Variants in SLC1A1 observed in about 807,000 individuals in gnomAD.
SLC1A1 encodes the protein excitatory amino acid transporter 3.
Under a neutral mutation model 53.3 loss-of-function variants are expected in SLC1A1, and 43 were observed. The observed-to-expected ratio is 0.81, with a 90% CI of 0.63 to 1.04. The LOEUF (loss-of-function observed/expected upper bound fraction) is 1.04, where lower values mean the gene tolerates loss of function less well. SLC1A1 is among the 50% of genes least tolerant of loss of function. The pLI is 0.00. For missense variants in SLC1A1, 748 were observed against 664.9 expected (o/e 1.12, Z -1.37); for synonymous variants, 307 against 243.2 (o/e 1.26, Z -2.44).
intron 1 of SLC1A1, among the ~76,000 whole-genome samples, chr9:4,533,946 C>G (rs1816575030): frequency 6.6e-6 from 1 of 152,170 alleles, no homozygotes; most frequent in Non-Finnish European, 1.5e-5. Flanking sequence ...GAACAACCTG[C>G]TCCTGAATGA....
At chr9:4,528,339 G>A (rs576629031) in intron 1 of SLC1A1, among the ~76,000 whole-genome samples, 6 of 152,284 alleles carry the variant, frequency 3.9e-5, no homozygotes, top group South Asian at 4.2e-4. Context: ...TTGGGAGGCC[G>A]AGGCAGGCAG....
intron 1 of SLC1A1, among the ~76,000 whole-genome samples, chr9:4,515,700 G>A (rs1586703295): frequency 6.6e-6 from 1 of 152,312 alleles, no homozygotes; most frequent in Non-Finnish European, 1.5e-5. Context: ...GAGTACTGCA[G>A]TCTGAGACTT....
chr9:4,535,560 G>A (rs1816644228), intron 1 of SLC1A1, among the ~76,000 whole-genome samples: 1 of 152,096 alleles, frequency 6.6e-6, no homozygotes, highest in South Asian at 2.1e-4. Flanking sequence ...AATAAAAGAG[G>A]ATACAAACAA....
At chr9:4,513,248 A>C (rs1376008119) in intron 1 of SLC1A1, among the ~76,000 whole-genome samples, 2 of 152,216 alleles carry the variant, frequency 1.3e-5, no homozygotes, top group African/African-American at 2.4e-5. Flanking sequence ...AAGGCACTTA[A>C]GAGAATGAAC....
chr9:4,534,030 C>T (rs1202120581), intron 1 of SLC1A1, among the ~76,000 whole-genome samples: 3 of 152,056 alleles, frequency 2.0e-5, no homozygotes, highest in Non-Finnish European at 4.4e-5. Flanking sequence ...AGACACAACA[C>T]ACCAGAATCT....
intron 1 of SLC1A1, among the ~76,000 whole-genome samples, chr9:4,523,298 A>G (rs1314429849): frequency 6.6e-6 from 1 of 152,052 alleles, no homozygotes; most frequent in South Asian, 2.1e-4. Context: ...GCAGAATTTA[A>G]TTAAGTTATT....
chr9:4,525,385 A>C (rs1442853805), intron 1 of SLC1A1, among the ~76,000 whole-genome samples: 1 of 152,176 alleles, frequency 6.6e-6, no homozygotes, highest in Non-Finnish European at 1.5e-5. Flanking sequence ...ACTGTCCTGG[A>C]GGACTTGAAA....
chr9:4,510,534 C>G (rs1235912710), intron 1 of SLC1A1, among the ~76,000 whole-genome samples: 1 of 152,152 alleles, frequency 6.6e-6, no homozygotes, highest in Non-Finnish European at 1.5e-5. Context: ...TACCTGGCTT[C>G]CAGTACAGGG....
intron 1 of SLC1A1, among the ~76,000 whole-genome samples, chr9:4,533,412 T>C (rs568546735): frequency 1.3e-5 from 2 of 148,346 alleles, no homozygotes; most frequent in Non-Finnish European, 3.0e-5. Flanking sequence ...GGGGTTGCAA[T>C]CCTAGTCTCG....
intron 2 of SLC1A1, among the ~76,000 whole-genome samples, chr9:4,551,624 T>C (rs1162136653): frequency 6.6e-6 from 1 of 152,214 alleles, no homozygotes; most frequent in Non-Finnish European, 1.5e-5. Flanking sequence ...GAAACATTGG[T>C]GGTCCATTAT....
chr9:4,524,386 C>T (rs961023439), intron 1 of SLC1A1, among the ~76,000 whole-genome samples: 3 of 152,072 alleles, frequency 2.0e-5, no homozygotes, highest in Non-Finnish European at 2.9e-5. Context: ...ATATAAAAGT[C>T]CCCTCCAGAC....
At chr9:4,499,116 C>T (rs1185136204) in intron 1 of SLC1A1, among the ~76,000 whole-genome samples, 1 of 149,278 alleles carries the variant, frequency 6.7e-6, no homozygotes, top group Non-Finnish European at 1.5e-5. Context: ...ACGATCTTGG[C>T]TCACTGCAAC....
chr9:4,527,203 C>T (rs1816294512), intron 1 of SLC1A1, among the ~76,000 whole-genome samples: 1 of 152,118 alleles, frequency 6.6e-6, no homozygotes, highest in Non-Finnish European at 1.5e-5. Context: ...AGAACAGCAT[C>T]ATGAGCCTGG....
At chr9:4,571,001 C>G (rs1819982392) in intron 6 of SLC1A1, among the ~76,000 whole-genome samples, 1 of 151,714 alleles carries the variant, frequency 6.6e-6, no homozygotes, top group African/African-American at 2.4e-5. Context: ...CAATGATAGA[C>G]TGGATAAAGA....
chr9:4,554,976 T>C (rs143295972), intron 2 of SLC1A1, among the ~76,000 whole-genome samples: 25 of 152,382 alleles, frequency 1.6e-4, no homozygotes, highest in South Asian at 4.1e-4. Flanking sequence ...AGGCCTGTTA[T>C]AGACATTATT....
chr9:4,523,456 T>C (rs948219994), intron 1 of SLC1A1, among the ~76,000 whole-genome samples: 13 of 152,190 alleles, frequency 8.5e-5, no homozygotes, highest in Non-Finnish European at 4.4e-5. Context: ...TTGTATTATA[T>C]ATCATAATTT....
chr9:4,574,188 G>C (rs983965836), intron 8 of SLC1A1, among the ~76,000 whole-genome samples, 174 bp downstream of exon 8: 4 of 152,172 alleles, frequency 2.6e-5, no homozygotes, highest in Non-Finnish European at 4.4e-5. Flanking sequence ...CTGTACTGTA[G>C]GTGGATCATG....
chr9:4,496,123 G>C (rs1440916387), intron 1 of SLC1A1, among the ~76,000 whole-genome samples: 1 of 152,182 alleles, frequency 6.6e-6, no homozygotes, highest in African/African-American at 2.4e-5. Flanking sequence ...ACCAAAGACA[G>C]AGTTCTGGAC....
chr9:4,561,980 A>C (rs1248643139), intron 3 of SLC1A1, among the ~76,000 whole-genome samples: 1 of 150,474 alleles, frequency 6.6e-6, no homozygotes, highest in African/African-American at 2.4e-5. Context: ...CTGGTCTTGA[A>C]CTCTTGGGCT....
Sources: gnomAD v4.1 joint callset for allele counts (sites outside exome capture counted in the v4.1 genomes callset) on GRCh38, gnomAD v4.1.1 for gene constraint, MANE v1.5 for transcripts, NCBI Gene and HGNC (gene_info 2026-07-23, HGNC 2026-07-21) for gene names.